The following DOCK3 variants were observed in gnomAD, a reference collection of about 807,000 sequenced individuals.
DOCK3 encodes dedicator of cytokinesis protein 3.
In DOCK3, 60 loss-of-function variants were observed where a neutral mutation model predicts 265.6. The observed-to-expected ratio is 0.23, with a 90% CI of 0.18 to 0.28. The LOEUF (loss-of-function observed/expected upper bound fraction) is 0.28, where lower values mean the gene tolerates loss of function less well. DOCK3 is among the 10% of genes least tolerant of loss of function. DOCK3 has a pLI of 1.00. For missense variants in DOCK3, 1,981 were observed against 2,594.3 expected (o/e 0.76, Z 5.14); for synonymous variants, 881 against 938.0 (o/e 0.94, Z 1.11).
chr3:51,366,693 T>G (rs950749046), intron 49 of DOCK3, among the ~76,000 whole-genome samples: 2 of 152,236 alleles, frequency 1.3e-5, no homozygotes, highest in African/African-American at 4.8e-5. Flanking sequence ...GTTGTGTCTT[T>G]GTTCTCATTG....
At position 50,675,536 on chromosome 3, in the gene DOCK3, C is replaced by T. The variant is rs1398890523; in HGVS notation, c.37+236C>T. On this transcript the variant is annotated intron_variant, in intron 1 of 52. Coordinates refer to ENST00000266037, the MANE Select transcript of DOCK3 (RefSeq NM_004947.5). The surrounding 1 kb of genome is among the most constrained non-coding windows in gnomAD (Gnocchi z 6.1). ...GCTGGCGGTGCGGCCTTGGCAGGTG[C>T]GGCCCGCGGGAGGGGTGGGCAAGGC... Among the ~76,000 whole-genome samples, 1 of 151,428 alleles carries T rather than the reference C, an allele frequency of 6.6e-6. No homozygotes were observed. The highest frequency in any genetic ancestry group is 1.5e-5 in the Non-Finnish European group (1 of 67,842).
chr3:50,873,094 T>G (rs1336078359), intron 3 of DOCK3, among the ~76,000 whole-genome samples: 3 of 152,166 alleles, frequency 2.0e-5, no homozygotes, highest in Non-Finnish European at 4.4e-5. Flanking sequence ...TCCACTTGTC[T>G]CAGGCAGAAG....
chr3:50,706,020 G>A (rs1173314529), intron 1 of DOCK3, among the ~76,000 whole-genome samples: 1 of 151,388 alleles, frequency 6.6e-6, no homozygotes, highest in Non-Finnish European at 1.5e-5. Context: ...GACAGAGTGA[G>A]ACTCTGTCTC....
chr3:50,754,470 A>C (rs543650859), intron 1 of DOCK3, among the ~76,000 whole-genome samples: 1 of 152,280 alleles, frequency 6.6e-6, no homozygotes, highest in South Asian at 2.1e-4. Flanking sequence ...TTAATTGAAA[A>C]AATGTTGCGG....
At position 50,686,488 on chromosome 3, in the gene DOCK3, G is replaced by A. The variant is rs150066411; in HGVS notation, c.37+11188G>A. ...CACCTGGTTTATTCACAGATTGGTCGTGGATCTATTCCTTCCCAGTTTGGG... is the reference window on the plus strand; with the variant it reads ...CACCTGGTTTATTCACAGATTGGTCATGGATCTATTCCTTCCCAGTTTGGG... On this transcript the variant is annotated intron_variant, in intron 1 of 52. Transcript: ENST00000266037. Among the ~76,000 whole-genome samples, 306 of 152,298 alleles carry A rather than the reference G, an allele frequency of 2.0e-3. 4 individuals are homozygous for A. Among genetic ancestry groups the A allele is most frequent in the East Asian group, 0.013 (65 of 5,178 alleles).
At chr3:51,186,641 G>A (rs74713178) in intron 12 of DOCK3, among the ~76,000 whole-genome samples, 6 of 152,122 alleles carry the variant, frequency 3.9e-5, no homozygotes, top group Admixed American at 1.3e-4. Flanking sequence ...AAGTGGTTTC[G>A]TGGGCCAGGT....
chr3:51,229,719 TTTGTTGTTGTTG>T (rs533052192), intron 19 of DOCK3, 110 bp downstream of exon 19: 2 of 771,680 alleles, frequency 2.6e-6, no homozygotes, highest in Non-Finnish European at 3.8e-6. Flanking sequence ...TCATCAGATT[TTTGTTGTTGTTG>T]TTGTTGTTGT....
intron 27 of DOCK3, among the ~76,000 whole-genome samples, chr3:51,280,488 A>T (rs1009939495): frequency 1.4e-4 from 22 of 152,304 alleles, no homozygotes; most frequent in African/African-American, 5.1e-4. Context: ...TGGTTGTCAG[A>T]CAACCAGGAC....
At chr3:51,251,927 G>A (rs958753945) in intron 22 of DOCK3, among the ~76,000 whole-genome samples, 1 of 152,146 alleles carries the variant, frequency 6.6e-6, no homozygotes, top group Non-Finnish European at 1.5e-5. Flanking sequence ...TAGACATGAA[G>A]TGCTTGCCCA....
chr3:50,925,935 G>A (rs1249900234), intron 4 of DOCK3, among the ~76,000 whole-genome samples: 18 of 148,286 alleles, frequency 1.2e-4, no homozygotes, highest in African/African-American at 4.2e-4. Context: ...GGGTTCAAGT[G>A]ATTCTCCTGC....
chr3:51,003,038 G>A (rs1191986038), intron 5 of DOCK3, among the ~76,000 whole-genome samples: 1 of 152,166 alleles, frequency 6.6e-6, no homozygotes, highest in East Asian at 1.9e-4. Context: ...ATGGGGCATA[G>A]AGTCTAGAAA....
At chr3:50,796,475 A>G (rs2042791351) in intron 2 of DOCK3, among the ~76,000 whole-genome samples, 1 of 151,904 alleles carries the variant, frequency 6.6e-6, no homozygotes, top group South Asian at 2.1e-4. Flanking sequence ...AGTAGCTGGG[A>G]TTATAGGCAT....
chr3:51,264,671 C>CA (rs200931317), intron 23 of DOCK3, among the ~76,000 whole-genome samples: 3,538 of 151,468 alleles, frequency 0.023, 153 homozygotes, highest in African/African-American at 0.081. Context: ...ACTAAAAATA[C>CA]AAAAAATTAG....
chr3:50,921,135 C>A (rs1269646800), intron 4 of DOCK3, among the ~76,000 whole-genome samples: 2 of 152,136 alleles, frequency 1.3e-5, no homozygotes, highest in African/African-American at 2.4e-5. Context: ...AATTTCTGTT[C>A]TTTTACGTTT....
At chr3:51,138,550 A>G (rs1387721185) in intron 9 of DOCK3, among the ~76,000 whole-genome samples, 1 of 152,208 alleles carries the variant, frequency 6.6e-6, no homozygotes, top group Non-Finnish European at 1.5e-5. Flanking sequence ...AGAAGTTCCT[A>G]TGTTCTGATA....
intron 4 of DOCK3, among the ~76,000 whole-genome samples, chr3:50,911,057 T>G (rs2049826821): frequency 6.6e-6 from 1 of 152,080 alleles, no homozygotes; most frequent in South Asian, 2.1e-4. Flanking sequence ...ATGGTGGTTA[T>G]TAATCCTTTG....
intron 5 of DOCK3, among the ~76,000 whole-genome samples, chr3:51,055,136 A>G (rs140485872): frequency 3.6e-4 from 55 of 152,302 alleles, no homozygotes; most frequent in South Asian, 1.2e-3. Flanking sequence ...GCAGCTGTCA[A>G]TATTTCTGGA....
intron 51 of DOCK3, among the ~76,000 whole-genome samples, chr3:51,376,329 A>G (rs1196376951): frequency 6.6e-6 from 1 of 152,128 alleles, no homozygotes; most frequent in Admixed American, 6.5e-5. Context: ...GGGTGCCCCA[A>G]AGGAGTCCGG....
At chr3:51,370,063 T>C (rs1042749672) in intron 49 of DOCK3, among the ~76,000 whole-genome samples, 3 of 152,120 alleles carry the variant, frequency 2.0e-5, no homozygotes, top group Admixed American at 1.3e-4. Context: ...TGCTGAAGAT[T>C]TGTCAGTATG....
Sources: allele counts gnomAD v4.1 joint callset (sites outside exome capture counted in the v4.1 genomes callset), GRCh38; gene constraint gnomAD v4.1.1; non-coding constraint Gnocchi (gnomAD v3.1); transcripts MANE v1.5; gene names NCBI Gene and HGNC (gene_info 2026-07-23, HGNC 2026-07-21).